The following CRYGN variants were observed in gnomAD, a reference collection of about 807,000 sequenced individuals.
CRYGN encodes the protein crystallin gamma N, also known as gamma-crystallin N.
In CRYGN, 17 loss-of-function variants were observed where a neutral mutation model predicts 19.2. That is an observed-to-expected ratio of 0.89 (90% CI 0.61 to 1.33). The LOEUF (loss-of-function observed/expected upper bound fraction) is 1.33. Among genes scored for constraint, CRYGN ranks in the 40% most tolerant of loss-of-function variants. The pLI, the probability that CRYGN is intolerant of heterozygous loss-of-function variation, is 0.00. For missense variants in CRYGN, 239 were observed against 239.6 expected (o/e 1.00, Z 0.02); for synonymous variants, 84 against 85.8 (o/e 0.98, Z 0.12).
At position 151,435,767 on chromosome 7, in the gene CRYGN, C is replaced by G. The variant is rs922220002; in HGVS notation, c.416+413G>C. Among the ~76,000 whole-genome samples, 4 of 152,180 alleles carry G rather than the reference C, an allele frequency of 2.6e-5. No homozygotes were observed. Among genetic ancestry groups the G allele is most frequent in the African/African-American group, 7.2e-5 (3 of 41,442 alleles). ...AGCAAGTGAGCCCACTGTGGCTTTT[C>G]CAGCCCATAAGGCCCTGGAGGACCC... On this transcript the variant is annotated intron_variant, in intron 3 of 3. Coordinates refer to ENST00000337323, the MANE Select transcript of CRYGN (RefSeq NM_144727.3). The surrounding 1 kb of genome is among the most constrained non-coding windows in gnomAD (Gnocchi z 4.2).
chr7:151,435,090 C>T lies in CRYGN; in HGVS notation c.416+1090G>A, dbSNP rs1327116731. ...CCACCTGTGCCCAGCTCTGCCTCGGCCCAGTCTCTGTCTCCCTGCAGTCCC... is the reference window on the plus strand; with the variant it reads ...CCACCTGTGCCCAGCTCTGCCTCGGTCCAGTCTCTGTCTCCCTGCAGTCCC... On this transcript the variant is annotated intron_variant, in intron 3 of 3. Transcript: ENST00000337323. This position sits in a 1 kb window ranked among gnomAD's most constrained non-coding sequence, Gnocchi z 4.2. Among the ~76,000 whole-genome samples, 1 of 152,212 alleles carries T rather than the reference C, an allele frequency of 6.6e-6. No homozygotes were observed. The highest frequency in any genetic ancestry group is 2.4e-5 in the African/African-American group (1 of 41,456).
Position 151,430,945 on chromosome 7 carries a change from C to A in CRYGN, c.417-765G>T, listed in dbSNP as rs530839116. ...GTGATCCAACCCATGCACCTGGCCC[C>A]CCACTGATCCCTCATCCAGCCAGGC... On this transcript the variant is annotated intron_variant, in intron 3 of 3. Coordinates refer to ENST00000337323, the MANE Select transcript of CRYGN (RefSeq NM_144727.3). This position sits in a 1 kb window ranked among gnomAD's most constrained non-coding sequence, Gnocchi z 5.2. Among the ~76,000 whole-genome samples the A allele has an allele frequency of 6.6e-6, 1 of 152,312 alleles. No homozygotes were observed. Among genetic ancestry groups the A allele is most frequent in the East Asian group, 1.9e-4 (1 of 5,178 alleles).
Position 151,430,282 on chromosome 7 carries a change from C to T in CRYGN, c.417-102G>A. 1 of 1,176,328 alleles carries T rather than the reference C, an allele frequency of 8.5e-7. No homozygotes were observed. Among genetic ancestry groups the T allele is most frequent in the South Asian group, 1.4e-5 (1 of 69,598 alleles). 72.9% of individuals were successfully genotyped at this position (1,176,328 alleles called of 1,614,324 possible). A position where few individuals can be genotyped will look rare whatever the true frequency, so the allele number is the denominator to read the frequency against. ...ACATGGCAGCAGGGAGCCCCTTCCC[C>T]TTTCCTGGGCGGAGTGGACGGTTGC... On this transcript the variant is annotated intron_variant, in intron 3 of 3. Transcript: ENST00000337323. This position sits in a 1 kb window ranked among gnomAD's most constrained non-coding sequence, Gnocchi z 5.2.
chr7:151,437,129 T>TA (rs1414148493), intron 2 of CRYGN, among the ~76,000 whole-genome samples: 1 of 152,200 alleles, frequency 6.6e-6, no homozygotes, highest in Non-Finnish European at 1.5e-5. Context: ...GAAGCATTCT[T>TA]ACAATTTGAG....
intron 3 of CRYGN, among the ~76,000 whole-genome samples, chr7:151,434,625 C>T (rs57314786): frequency 0.015 from 2,256 of 152,270 alleles, 27 homozygotes; most frequent in Non-Finnish European, 0.023. Flanking sequence ...TATCAAAATC[C>T]GAGGATGCTC....
Position 151,430,306 on chromosome 7 carries a change from G to T in CRYGN, c.417-126C>A. On this transcript the variant is annotated intron_variant, in intron 3 of 3. Transcript: ENST00000337323. This position sits in a 1 kb window ranked among gnomAD's most constrained non-coding sequence, Gnocchi z 5.2. The stretch of plus-strand genomic sequence containing the variant: ...CCTTTCCTGGGCGGAGTGGACGGTT[G>T]CCTAGTGGTTTCATGTCTTCATTTG... 1 of 912,622 alleles carries T rather than the reference G, an allele frequency of 1.1e-6. No homozygotes were observed. Among genetic ancestry groups the T allele is most frequent in the Non-Finnish European group, 1.7e-6 (1 of 605,222 alleles). 56.5% of individuals were successfully genotyped at this position (912,622 alleles called of 1,614,324 possible). A position where few individuals can be genotyped will look rare whatever the true frequency, so the allele number is the denominator to read the frequency against.
intron 2 of CRYGN, chr7:151,437,722 A>G: frequency 1.0e-6 from 1 of 997,850 alleles, no homozygotes; most frequent in East Asian, 2.6e-5. Context: ...AGCATTTTAA[A>G]TGGAAAATGC....
In CRYGN at chr7:151,439,885, G is replaced by A. The variant is rs369029337; in HGVS notation, c.21+12C>T. ...CCCACTCGGTTTCCTTGGGGTTGAG[G>A]GACGCACTCACCTTCCCCGAGCGCT... On this transcript the variant is annotated intron_variant, in intron 1 of 3. Coordinates refer to ENST00000337323, the MANE Select transcript of CRYGN (RefSeq NM_144727.3). 2 of 1,557,044 alleles carry A rather than the reference G, an allele frequency of 1.3e-6. No homozygotes were observed. The highest frequency in any genetic ancestry group is 1.7e-6 in the Non-Finnish European group (2 of 1,152,498).
rs1294786156 is a variant in CRYGN at position 151,431,580 on chromosome 7, G to A, written c.417-1400C>T. On this transcript the variant is annotated intron_variant, in intron 3 of 3. Transcript: ENST00000337323. This position sits in a 1 kb window ranked among gnomAD's most constrained non-coding sequence, Gnocchi z 4.8. The stretch of plus-strand genomic sequence containing the variant: ...ACACGCCCCATGCCCCTTTCTCCCC[G>A]AAAGCCCCTCCATTCCCACAGAGCC... Among the ~76,000 whole-genome samples, 2 of 151,782 alleles carry A rather than the reference G, an allele frequency of 1.3e-5. No homozygotes were observed. Among genetic ancestry groups the A allele is most frequent in the Non-Finnish European group, 2.9e-5 (2 of 67,938 alleles).
chr7:151,437,117 A>G (rs34685544), intron 2 of CRYGN, among the ~76,000 whole-genome samples: 17,077 of 152,278 alleles, frequency 0.11, 1,462 homozygotes, highest in East Asian at 0.44. Context: ...AGAAATACTA[A>G]GGAAGCATTC....
At position 151,431,698 on chromosome 7, in the gene CRYGN, C is replaced by T. The variant is rs1199090934; in HGVS notation, c.417-1518G>A. 1 of 152,914 alleles carries T rather than the reference C, an allele frequency of 6.5e-6. No individual in the cohort carries two copies. Among genetic ancestry groups the T allele is most frequent in the Non-Finnish European group, 1.5e-5 (1 of 68,544 alleles). The allele number at this position is 152,914 out of a possible 1,614,324, so 9.5% of individuals were successfully genotyped here. A position where few individuals can be genotyped will look rare whatever the true frequency, so the allele number is the denominator to read the frequency against. The stretch of plus-strand genomic sequence containing the variant: ...GGGGTCTGCCCTGGGTCGAAACCAT[C>T]CTTCCAGAGGGGTCTCCCTTAGAAA... On this transcript the variant is annotated intron_variant, in intron 3 of 3. Transcript: ENST00000337323. The surrounding 1 kb of genome is among the most constrained non-coding windows in gnomAD (Gnocchi z 4.8).
In CRYGN at chr7:151,440,049, G is replaced by A. The variant is rs970706859; in HGVS notation, c.-132C>T. On this transcript the variant is annotated 5_prime_UTR_variant, in exon 1 of 4. Transcript: ENST00000337323. ...TGCTGTCGGGCGTGCTAAGCCCGAGGGGCCACCAGGCGGTTGGGACCCGCC... is the reference window on the plus strand; with the variant it reads ...TGCTGTCGGGCGTGCTAAGCCCGAGAGGCCACCAGGCGGTTGGGACCCGCC... 2.2e-6 allele frequency: 3 copies of A among 1,351,022 alleles called. No homozygotes were observed. Among genetic ancestry groups the A allele is most frequent in the Admixed American group, 3.6e-5 (1 of 27,826 alleles). 83.7% of individuals were successfully genotyped at this position (1,351,022 alleles called of 1,614,324 possible). A position where few individuals can be genotyped will look rare whatever the true frequency, so the allele number is the denominator to read the frequency against.
upstream of CRYGN, chr7:151,440,529 C>T (rs1801739349): frequency 6.5e-6 from 1 of 153,326 alleles, no homozygotes; most frequent in African/African-American, 2.4e-5. Flanking sequence ...CCCCCCCACA[C>T]CCCACAAAAC....
At chr7:151,439,820 A>G in intron 1 of CRYGN, 77 bp downstream of exon 1, 1 of 1,424,924 alleles carries the variant, frequency 7.0e-7, no homozygotes, top group Non-Finnish European at 9.5e-7. Flanking sequence ...AACAGTGTGC[A>G]CCCTCCTGCA....
Position 151,436,725 on chromosome 7 carries a change from T to A in CRYGN, c.271-400A>T. The A allele has an allele frequency of 6.4e-6, 1 of 157,282 alleles. No individual in the cohort carries two copies. 9.7% of individuals were successfully genotyped at this position (157,282 alleles called of 1,614,324 possible). A position where few individuals can be genotyped will look rare whatever the true frequency, so the allele number is the denominator to read the frequency against. On this transcript the variant is annotated intron_variant, in intron 2 of 3. Transcript: ENST00000337323. The surrounding 1 kb of genome is among the most constrained non-coding windows in gnomAD (Gnocchi z 5.1). ...CTCCGGGTTCTGACTTCCCCACCCC[T>A]GGGCCACAGCCCATGGGCAAGCCTT...
At position 151,436,042 on chromosome 7, in the gene CRYGN, G is replaced by A; in HGVS notation, c.416+138C>T. 1.8e-6 allele frequency: 1 copy of A among 568,068 alleles called. No homozygotes were observed. Among genetic ancestry groups the A allele is most frequent in the Non-Finnish European group, 2.6e-6 (1 of 378,340 alleles). 35.2% of individuals were successfully genotyped at this position (568,068 alleles called of 1,614,324 possible). A position where few individuals can be genotyped will look rare whatever the true frequency, so the allele number is the denominator to read the frequency against. On this transcript the variant is annotated intron_variant, in intron 3 of 3. Coordinates refer to ENST00000337323, the MANE Select transcript of CRYGN (RefSeq NM_144727.3). This position sits in a 1 kb window ranked among gnomAD's most constrained non-coding sequence, Gnocchi z 5.1. ...AGCTGAGGAAAGGAGAGGGCCTGTG[G>A]GGCCAGGGACACGCTGCCCACTGCT... is the stretch of plus-strand genomic sequence containing the variant.
intron 1 of CRYGN, among the ~76,000 whole-genome samples, 191 bp downstream of exon 1, chr7:151,439,706 G>A (rs1435347863): frequency 6.6e-6 from 1 of 152,150 alleles, no homozygotes; most frequent in Non-Finnish European, 1.5e-5. Context: ...GAGTGGAGAT[G>A]GAGACCTTCC....
chr7:151,430,294 G>T lies in CRYGN; in HGVS notation c.417-114C>A. 9.7e-7 allele frequency: 1 copy of T among 1,034,976 alleles called. No individual in the cohort carries two copies. The highest frequency in any genetic ancestry group is 2.5e-5 in the East Asian group (1 of 39,918). 64.1% of individuals were successfully genotyped at this position (1,034,976 alleles called of 1,614,324 possible). On this transcript the variant is annotated intron_variant, in intron 3 of 3. Transcript: ENST00000337323. This position sits in a 1 kb window ranked among gnomAD's most constrained non-coding sequence, Gnocchi z 5.2. Reference sequence around the variant, plus strand: ...GGAGCCCCTTCCCCTTTCCTGGGCGGAGTGGACGGTTGCCTAGTGGTTTCA... The same window carrying T: ...GGAGCCCCTTCCCCTTTCCTGGGCGTAGTGGACGGTTGCCTAGTGGTTTCA...
In CRYGN at chr7:151,440,116, G is replaced by T. The variant is rs1801727041; in HGVS notation, c.-199C>A. 2 of 1,358,810 alleles carry T rather than the reference G, an allele frequency of 1.5e-6. No homozygotes were observed. The highest frequency in any genetic ancestry group is 1.5e-5 in the African/African-American group (1 of 65,118). The allele number at this position is 1,358,810 out of a possible 1,614,324, so 84.2% of individuals were successfully genotyped here. On this transcript the variant is annotated 5_prime_UTR_variant, in exon 1 of 4. Coordinates refer to ENST00000337323, the MANE Select transcript of CRYGN (RefSeq NM_144727.3). ...ACCGCGAGTGCAGCCCGCCCTGCCC[G>T]GGGTCTCCCTGTGCTCTCCGCGTTT...
Sources: allele counts gnomAD v4.1 joint callset (sites outside exome capture counted in the v4.1 genomes callset), GRCh38; gene constraint gnomAD v4.1.1; non-coding constraint Gnocchi (gnomAD v3.1); transcripts MANE v1.5; gene names NCBI Gene and HGNC (gene_info 2026-07-23, HGNC 2026-07-21).